FOSL2: variants seen among roughly 807,000 people sequenced by gnomAD.
The protein encoded by FOSL2 is FOS like 2, AP-1 transcription factor subunit.
A neutral mutation model predicts 27.7 loss-of-function variants in FOSL2; 3 were observed. The ratio of observed to expected loss-of-function variants is 0.11; its 90% CI spans 0.05 to 0.28. The LOEUF is 0.28. Among genes scored for constraint, FOSL2 ranks in the 10% least tolerant of loss-of-function variants. FOSL2 has a pLI of 1.00. For missense variants in FOSL2, 333 were observed against 445.1 expected, an observed-to-expected ratio of 0.75 and a Z score of 2.27; for synonymous variants, 179 against 190.1, an observed-to-expected ratio of 0.94 and a Z score of 0.48.
At chr2:28,407,520 G>A (rs1255472806) in intron 2 of FOSL2, among the ~76,000 whole-genome samples, 1 of 152,232 alleles carries the variant, frequency 6.6e-6, no homozygotes. Context: ...CAGGACAGTG[G>A]CTCTTTCCTT....
In FOSL2 at chr2:28,414,894, C is replaced by T. The variant is rs887310051; in HGVS notation, c.*2446C>T. 4.6e-5 allele frequency: 7 copies of T among 152,180 alleles called. No individual in the cohort carries two copies. The highest frequency in any genetic ancestry group is 1.7e-4 in the African/African-American group (7 of 41,432). 9.4% of individuals were successfully genotyped at this position (152,180 alleles called of 1,614,324 possible). A position where few individuals can be genotyped will look rare whatever the true frequency, so the allele number is the denominator to read the frequency against. Reference sequence around the variant, plus strand: ...CCCTGTGAAGACCCCCAGGCTTTGTCATAGGAGGTCGTTCAGCTTCCCCAA... The same window carrying T: ...CCCTGTGAAGACCCCCAGGCTTTGTTATAGGAGGTCGTTCAGCTTCCCCAA... On this transcript the variant is annotated 3_prime_UTR_variant, in exon 4 of 4. Transcript: ENST00000264716.
At chr2:28,401,631 C>T (rs1047236854) in intron 1 of FOSL2, among the ~76,000 whole-genome samples, 1 of 152,196 alleles carries the variant, frequency 6.6e-6, no homozygotes, top group African/African-American at 2.4e-5. Context: ...ACACACTCAG[C>T]CATGCCTGCT....
In FOSL2 at chr2:28,408,874, A is replaced by G. The variant is rs1391114233; in HGVS notation, c.462+8A>G. ...ACAGAGAAGCTGCAGGCGGTGAGGAACTCTGCGTAGGGTGGGAGCACCTCT... is the reference window on the plus strand; with the variant it reads ...ACAGAGAAGCTGCAGGCGGTGAGGAGCTCTGCGTAGGGTGGGAGCACCTCT... On this transcript the variant is annotated splice_region_variant and intron_variant, in intron 3 of 3. Coordinates refer to ENST00000264716, the MANE Select transcript of FOSL2 (RefSeq NM_005253.4). This position sits in a 1 kb window ranked among gnomAD's most constrained non-coding sequence, Gnocchi z 4.1. 1.3e-6 allele frequency: 2 copies of G among 1,593,280 alleles called. No individual in the cohort carries two copies. The highest frequency in any genetic ancestry group is 1.7e-5 in the Admixed American group (1 of 57,516).
Position 28,394,135 on chromosome 2 carries a change from C to A in FOSL2, c.102+313C>A, listed in dbSNP as rs1419970903. On this transcript the variant is annotated intron_variant, in intron 1 of 3. Coordinates refer to ENST00000264716, the MANE Select transcript of FOSL2 (RefSeq NM_005253.4). The stretch of plus-strand genomic sequence containing the variant: ...AAGAACTACTCCCCCTCCCCAGTGT[C>A]TGCCCCCCCCCCCCCACCCCTGCCC... Among the ~76,000 whole-genome samples the A allele has an allele frequency of 4.1e-5, 3 of 73,252 alleles. No individual in the cohort carries two copies. The East Asian group carries it at 1.2e-3, about 30-fold the overall frequency. 48.1% of individuals were successfully genotyped at this position (73,252 alleles called of 152,430 possible).
rs1664224497 is a variant in FOSL2, at chr2:28,412,460, TC to T, written c.*15del. 2 of 1,592,350 alleles carry T rather than the reference TC, an allele frequency of 1.3e-6. No homozygotes were observed. Among genetic ancestry groups the T allele is most frequent in the East Asian group, 4.5e-5 (2 of 44,700 alleles). On this transcript the variant is annotated 3_prime_UTR_variant, in exon 4 of 4. Coordinates refer to ENST00000264716, the MANE Select transcript of FOSL2 (RefSeq NM_005253.4). The surrounding 1 kb of genome is among the most constrained non-coding windows in gnomAD (Gnocchi z 7.1). ...TGCTGGCTCTGTAACCCAGTGCACC[TC>T]CCTCCCCAGCTCCGGAGGGGGTCCT...
At chr2:28,402,176 A>T (rs1663986865) in intron 1 of FOSL2, among the ~76,000 whole-genome samples, 1 of 152,082 alleles carries the variant, frequency 6.6e-6, no homozygotes, top group Non-Finnish European at 1.5e-5. Context: ...CGAATCCCAG[A>T]ATGCATTGCA....
At chr2:28,409,593 G>A (rs936007524) in intron 3 of FOSL2, among the ~76,000 whole-genome samples, 6 of 152,156 alleles carry the variant, frequency 3.9e-5, no homozygotes, top group African/African-American at 1.2e-4. Flanking sequence ...AGGAAGGGCC[G>A]TGTGCTGTGT....
At chr2:28,405,932 G>T (rs1243947559) in intron 2 of FOSL2, among the ~76,000 whole-genome samples, 1 of 152,148 alleles carries the variant, frequency 6.6e-6, no homozygotes, top group Non-Finnish European at 1.5e-5. Context: ...TCACTGATGA[G>T]CTGGACTCTT....
In FOSL2 at chr2:28,404,063, CTTAGTATTTA is replaced by C. The variant is rs1470265868; in HGVS notation, c.103-41_103-32del. The C allele has an allele frequency of 6.2e-7, 1 of 1,603,746 alleles. No homozygotes were observed. Among genetic ancestry groups the C allele is most frequent in the Non-Finnish European group, 8.5e-7 (1 of 1,171,768 alleles). On this transcript the variant is annotated intron_variant, in intron 1 of 3. Coordinates refer to ENST00000264716, the MANE Select transcript of FOSL2 (RefSeq NM_005253.4). The surrounding 1 kb of genome is among the most constrained non-coding windows in gnomAD (Gnocchi z 4.7). ...AATTATTATTAACTATCCTGTTCAG[CTTAGTATTTA>C]TTGGCTCATTTGTATTTTTTTTCCT...
At position 28,398,884 on chromosome 2, in the gene FOSL2, G is replaced by A. The variant is rs371084522; in HGVS notation, c.102+5062G>A. 1.1e-3 allele frequency among the ~76,000 whole-genome samples: 173 copies of A among 152,348 alleles called. 1 individual carries two copies. The highest frequency in any genetic ancestry group is 4.1e-3 in the African/African-American group (169 of 41,582). ...GGTTAAATTCCTTATGGAAGGCTTTGGGGAACATCCCAGGTTCAGTAAAAA... is the reference window on the plus strand; with the variant it reads ...GGTTAAATTCCTTATGGAAGGCTTTAGGGAACATCCCAGGTTCAGTAAAAA... On this transcript the variant is annotated intron_variant, in intron 1 of 3. Coordinates refer to ENST00000264716, the MANE Select transcript of FOSL2 (RefSeq NM_005253.4).
Position 28,393,033 on chromosome 2 carries a change from G to A in FOSL2, c.-688G>A, listed in dbSNP as rs1247866893. 1 of 550,758 alleles carries A rather than the reference G, an allele frequency of 1.8e-6. No individual in the cohort carries two copies. The highest frequency in any genetic ancestry group is 3.3e-6 in the Non-Finnish European group (1 of 305,968). 34.1% of individuals were successfully genotyped at this position (550,758 alleles called of 1,614,324 possible). A position where few individuals can be genotyped will look rare whatever the true frequency, so the allele number is the denominator to read the frequency against. ...GCTCCGGGGAAGGGGTGCGGGTCTGGGCGCCGGAGCGGGGAGCGGGGCCGC... is the reference window on the plus strand; with the variant it reads ...GCTCCGGGGAAGGGGTGCGGGTCTGAGCGCCGGAGCGGGGAGCGGGGCCGC... On this transcript the variant is annotated 5_prime_UTR_variant, in exon 1 of 4. Coordinates refer to ENST00000264716, the MANE Select transcript of FOSL2 (RefSeq NM_005253.4). The surrounding 1 kb of genome is among the most constrained non-coding windows in gnomAD (Gnocchi z 4.6).
At chr2:28,397,472 C>T (rs1195529420) in intron 1 of FOSL2, among the ~76,000 whole-genome samples, 3 of 152,108 alleles carry the variant, frequency 2.0e-5, no homozygotes, top group Non-Finnish European at 2.9e-5. Context: ...TTTGTCTGTT[C>T]CGCTGATTCT....
At position 28,402,144 on chromosome 2, in the gene FOSL2, T is replaced by G. The variant is rs78168773; in HGVS notation, c.103-1963T>G. Among the ~76,000 whole-genome samples, 1,081 of 152,280 alleles carry G rather than the reference T, an allele frequency of 7.1e-3. 8 individuals carry two copies. Among genetic ancestry groups the G allele is most frequent in the Non-Finnish European group, 7.7e-3 (525 of 68,016 alleles). On this transcript the variant is annotated intron_variant, in intron 1 of 3. Coordinates refer to ENST00000264716, the MANE Select transcript of FOSL2 (RefSeq NM_005253.4). ...CTTTCCTCCAGAATCCCAGAACCCA[T>G]TGCTCTAGGTGGCTCTCCTCCCGAA...
At chr2:28,401,491 G>A (rs1417861360) in intron 1 of FOSL2, among the ~76,000 whole-genome samples, 2 of 152,066 alleles carry the variant, frequency 1.3e-5, no homozygotes, top group African/African-American at 4.8e-5. Context: ...TTGAGCCCAG[G>A]GCAAGGCACT....
chr2:28,409,471 A>T (rs939684891), intron 3 of FOSL2, among the ~76,000 whole-genome samples: 1 of 151,556 alleles, frequency 6.6e-6, no homozygotes. Context: ...CTTGTGAGTC[A>T]CTCTCCCGTG....
In FOSL2 at chr2:28,393,873, T is replaced by C. The variant is rs908650250; in HGVS notation, c.102+51T>C. ...GCGGCGCGGGCGGACCCCTGCCCTC[T>C]TCTCGCCGCCACTGCCTCTTTTGCT... On this transcript the variant is annotated intron_variant, in intron 1 of 3. Coordinates refer to ENST00000264716, the MANE Select transcript of FOSL2 (RefSeq NM_005253.4). The surrounding 1 kb of genome is among the most constrained non-coding windows in gnomAD (Gnocchi z 4.6). 4 of 1,234,638 alleles carry C rather than the reference T, an allele frequency of 3.2e-6. No individual in the cohort carries two copies. 76.5% of individuals were successfully genotyped at this position (1,234,638 alleles called of 1,614,324 possible).
rs1025004907 is a variant in FOSL2 at position 28,413,585 on chromosome 2, G to A, written c.*1137G>A. 16 of 398,700 alleles carry A rather than the reference G, an allele frequency of 4.0e-5. No individual in the cohort carries two copies. The highest frequency in any genetic ancestry group is 6.2e-4 in the Middle Eastern group (1 of 1,612). The allele number at this position is 398,700 out of a possible 1,614,324, so 24.7% of individuals were successfully genotyped here. ...GGATGGAGAGGCAGGGGAGGGAGGCGGGAGGCCGTCACTGGAGTGGCGTCT... is the reference window on the plus strand; with the variant it reads ...GGATGGAGAGGCAGGGGAGGGAGGCAGGAGGCCGTCACTGGAGTGGCGTCT... On this transcript the variant is annotated 3_prime_UTR_variant, in exon 4 of 4. Transcript: ENST00000264716.
intron 2 of FOSL2, among the ~76,000 whole-genome samples, chr2:28,405,342 T>C (rs1664054702): frequency 6.6e-6 from 1 of 152,184 alleles, no homozygotes; most frequent in Non-Finnish European, 1.5e-5. Flanking sequence ...GGACCCCCTA[T>C]GCAGTATTCT....
At chr2:28,399,644 C>G (rs1663931246) in intron 1 of FOSL2, among the ~76,000 whole-genome samples, 1 of 152,122 alleles carries the variant, frequency 6.6e-6, no homozygotes, top group Non-Finnish European at 1.5e-5. Flanking sequence ...GAGGTTCAAG[C>G]TGATAAGTGA....
Sources: gnomAD v4.1 joint callset for allele counts (sites outside exome capture counted in the v4.1 genomes callset) on GRCh38, gnomAD v4.1.1 for gene constraint, Gnocchi (gnomAD v3.1) non-coding constraint, MANE v1.5 for transcripts, NCBI Gene and HGNC (gene_info 2026-07-23, HGNC 2026-07-21) for gene names.